Variants in PHF21B observed in about 807,000 individuals in gnomAD.
PHF21B encodes PHD finger protein 21B, also known as PHD finger protein 4.
A neutral mutation model predicts 62.2 loss-of-function variants in PHF21B; 22 were observed. The ratio of observed to expected loss-of-function variants is 0.35; its 90% CI spans 0.25 to 0.51. PHF21B has a LOEUF of 0.51. PHF21B is among the 20% of genes least tolerant of loss of function. The pLI is 0.97. For missense variants in PHF21B, 701 were observed against 707.9 expected, an observed-to-expected ratio of 0.99 and a Z score of 0.11; for synonymous variants, 341 against 314.7, an observed-to-expected ratio of 1.08 and a Z score of -0.88.
At position 44,896,079 on chromosome 22, in the gene PHF21B, A is replaced by G. The variant is rs2071052418; in HGVS notation, c.836T>C (p.Ile279Thr). ...RPPTQENPEK[I>T]AFMVALGLVT... Reference sequence around the variant, plus strand: ...CAGGCCTAGCGCTACCATGAAGGCGATTTTCTGAGGGAAGGAACAGACAAA... The same window carrying G: ...CAGGCCTAGCGCTACCATGAAGGCGGTTTTCTGAGGGAAGGAACAGACAAA... Residue 279 changes from isoleucine to threonine, a missense_variant, in exon 6 of 13, where the codon ATC (isoleucine) becomes ACC (threonine). Transcript: ENST00000313237. The G allele has an allele frequency of 6.2e-7, 1 of 1,614,060 alleles. No individual in the cohort carries two copies. Among genetic ancestry groups the G allele is most frequent in the Non-Finnish European group, 8.5e-7 (1 of 1,180,022 alleles).
chr22:44,966,216 C>A (rs534378909), intron 2 of PHF21B, among the ~76,000 whole-genome samples: 21 of 152,328 alleles, frequency 1.4e-4, no homozygotes, highest in African/African-American at 4.8e-4. Flanking sequence ...AGCTTTCCAG[C>A]ATAAAGGGAG....
intron 5 of PHF21B, among the ~76,000 whole-genome samples, chr22:44,896,391 C>G (rs1009432312): frequency 6.6e-6 from 1 of 151,584 alleles, no homozygotes; most frequent in African/African-American, 2.4e-5. Flanking sequence ...CACTAAGGCC[C>G]CTAACTCCAG....
At chr22:44,975,440 G>A (rs776392698) in intron 2 of PHF21B, among the ~76,000 whole-genome samples, 10 of 152,124 alleles carry the variant, frequency 6.6e-5, no homozygotes, top group Non-Finnish European at 1.3e-4. Context: ...TGGAGAGCAG[G>A]CGTCCCTCTA....
intron 3 of PHF21B, among the ~76,000 whole-genome samples, chr22:44,917,649 C>T (rs1343144144): frequency 6.6e-6 from 1 of 152,218 alleles, no homozygotes; most frequent in African/African-American, 2.4e-5. Context: ...ATAATGGAGC[C>T]TCACCGGTAA....
chr22:45,000,210 A>G lies in PHF21B; in HGVS notation c.120+8335T>C, dbSNP rs2147526505. Among the ~76,000 whole-genome samples the G allele has an allele frequency of 2.0e-5, 3 of 152,156 alleles. No homozygotes were observed. In the Middle Eastern group the frequency reaches 0.01, roughly 518 times the overall value. On this transcript the variant is annotated intron_variant, in intron 2 of 12. Transcript: ENST00000313237. ...CGGAGACAAAGTTAAAAGCCTTCTA[A>G]ACAGTACTCGGGAGGGAAATCGGGG...
chr22:44,915,851 C>T (rs1303858362), intron 4 of PHF21B, among the ~76,000 whole-genome samples: 1 of 152,154 alleles, frequency 6.6e-6, no homozygotes, highest in Admixed American at 6.5e-5. Flanking sequence ...GGAGATTGTG[C>T]ACTTGGGCAG....
intron 5 of PHF21B, among the ~76,000 whole-genome samples, chr22:44,897,642 C>A (rs1309878888): frequency 6.6e-6 from 1 of 152,078 alleles, no homozygotes; most frequent in African/African-American, 2.4e-5. Flanking sequence ...CCCCCTTTAT[C>A]TTTTATTTAT....
intron 2 of PHF21B, among the ~76,000 whole-genome samples, chr22:45,005,362 A>G (rs6007408): frequency 0.16 from 23,175 of 148,284 alleles, 2,761 homozygotes; most frequent in African/African-American, 0.34. Context: ...CCTATGCCTC[A>G]TTTTTTTTTT....
chr22:44,909,864 A>C (rs2147289504), intron 5 of PHF21B, among the ~76,000 whole-genome samples: 1 of 152,348 alleles, frequency 6.6e-6, no homozygotes, highest in Non-Finnish European at 1.5e-5. Context: ...TCCAGGAGGA[A>C]ACAGCTCTCT....
At chr22:44,938,414 A>C (rs2071891286) in intron 2 of PHF21B, among the ~76,000 whole-genome samples, 1 of 152,210 alleles carries the variant, frequency 6.6e-6, no homozygotes, top group South Asian at 2.1e-4. Context: ...TTGTATTTTT[A>C]GTAGAGACAG....
At chr22:44,930,859 C>T (rs558232243) in intron 2 of PHF21B, among the ~76,000 whole-genome samples, 2 of 152,368 alleles carry the variant, frequency 1.3e-5, no homozygotes, top group East Asian at 3.9e-4. Context: ...ACCTCGGTAT[C>T]TTCTCCTGCC....
At chr22:44,930,406 T>C (rs1390985968) in intron 2 of PHF21B, among the ~76,000 whole-genome samples, 4 of 152,332 alleles carry the variant, frequency 2.6e-5, no homozygotes, top group African/African-American at 9.6e-5. Flanking sequence ...CCTTTGTATA[T>C]TTTATAATAA....
At chr22:44,987,144 G>A (rs980623374) in intron 2 of PHF21B, among the ~76,000 whole-genome samples, 1 of 152,208 alleles carries the variant, frequency 6.6e-6, no homozygotes, top group Non-Finnish European at 1.5e-5. Flanking sequence ...ACGGTGTAGT[G>A]GACAGAGGCT....
chr22:44,971,564 T>C (rs899817178), intron 2 of PHF21B: 4 of 152,542 alleles, frequency 2.6e-5, no homozygotes, highest in Non-Finnish European at 4.4e-5. Context: ...GAAGCCTGAA[T>C]TCCCCAACAC....
At chr22:44,885,355 T>G in intron 12 of PHF21B, 71 bp downstream of exon 12, 1 of 1,406,306 alleles carries the variant, frequency 7.1e-7, no homozygotes, top group Non-Finnish European at 9.6e-7. Context: ...TAAGGACACA[T>G]CTATCTGTCC....
rs950112166 is a variant in PHF21B, at chr22:45,009,874, C to T, written c.-325G>A. 4.2e-3 allele frequency: 618 copies of T among 146,490 alleles called. 5 individuals carry two copies. The highest frequency in any genetic ancestry group is 7.8e-3 in the Non-Finnish European group (509 of 65,540). 9.1% of individuals were successfully genotyped at this position (146,490 alleles called of 1,614,324 possible). On this transcript the variant is annotated 5_prime_UTR_variant, in exon 1 of 13. Coordinates refer to ENST00000313237, the MANE Select transcript of PHF21B (RefSeq NM_138415.5). The surrounding 1 kb of genome is among the most constrained non-coding windows in gnomAD (Gnocchi z 5.9). Reference sequence around the variant, plus strand: ...CCGCGCAGCCCCGCGCGCGCCCGCCCAGCCGCCGCCGCCGCCGCCTCCTCC... The same window carrying T: ...CCGCGCAGCCCCGCGCGCGCCCGCCTAGCCGCCGCCGCCGCCGCCTCCTCC...
At chr22:44,933,115 CTT>C (rs35793325) in intron 2 of PHF21B, among the ~76,000 whole-genome samples, 7 of 140,984 alleles carry the variant, frequency 5.0e-5, no homozygotes, top group Admixed American at 7.1e-5. Context: ...TCTTCTATTT[CTT>C]TTTTTTTTTT....
At chr22:44,922,651 A>C (rs1475119531) in intron 2 of PHF21B, among the ~76,000 whole-genome samples, 1 of 152,218 alleles carries the variant, frequency 6.6e-6, no homozygotes, top group Non-Finnish European at 1.5e-5. Flanking sequence ...AGAAAAAAAA[A>C]ATCAGTTGTG....
chr22:44,892,448 T>A (rs2070983672), intron 7 of PHF21B, among the ~76,000 whole-genome samples: 1 of 152,186 alleles, frequency 6.6e-6, no homozygotes, highest in Non-Finnish European at 1.5e-5. Context: ...GCGAAACGCC[T>A]CCCTCCCACT....
Sources: gnomAD v4.1 joint callset for allele counts (sites outside exome capture counted in the v4.1 genomes callset) on GRCh38, gnomAD v4.1.1 for gene constraint, Gnocchi (gnomAD v3.1) non-coding constraint, MANE v1.5 for transcripts, NCBI Gene and HGNC (gene_info 2026-07-23, HGNC 2026-07-21) for gene names.